Variants in CYP26B1 observed in about 807,000 individuals in gnomAD.
CYP26B1 encodes cytochrome P450 26B1.
In CYP26B1, 8 loss-of-function variants were observed where a neutral mutation model predicts 39.1. The observed-to-expected ratio is 0.20, with a 90% CI of 0.12 to 0.37. The LOEUF (loss-of-function observed/expected upper bound fraction) is 0.37, where lower values mean the gene tolerates loss of function less well. Among genes scored for constraint, CYP26B1 ranks in the 10% least tolerant of loss-of-function variants. CYP26B1 has a pLI of 1.00. For missense variants in CYP26B1, 615 were observed against 707.0 expected (o/e 0.87, Z 1.48); for synonymous variants, 321 against 314.3 (o/e 1.02, Z -0.23).
rs1677059260 is a variant in CYP26B1 at position 72,144,504 on chromosome 2, C to G, written c.205-291G>C. The G allele has an allele frequency of 3.4e-6, 4 of 1,187,016 alleles. No homozygotes were observed. In the African/African-American group the frequency reaches 4.7e-5, roughly 14 times the overall value. 73.5% of individuals were successfully genotyped at this position (1,187,016 alleles called of 1,614,324 possible). ...AAGAGGTATCCCGGACAGCTGGACC[C>G]GAAGCGGGAGTCTCCGCCCCCACCC... On this transcript the variant is annotated intron_variant, in intron 1 of 5. Transcript: ENST00000001146.
Position 72,142,760 on chromosome 2 carries a change from C to A in CYP26B1, c.429+1229G>T, listed in dbSNP as rs562110546. ...ACTCCCCAGAACTCCTCTCCCGCCGCCCCCAGGCTGTGGTAACTGCTTCCA... is the reference window on the plus strand; with the variant it reads ...ACTCCCCAGAACTCCTCTCCCGCCGACCCCAGGCTGTGGTAACTGCTTCCA... On this transcript the variant is annotated intron_variant, in intron 2 of 5. Transcript: ENST00000001146. 3.3e-5 allele frequency among the ~76,000 whole-genome samples: 5 copies of A among 152,290 alleles called. No homozygotes were observed. The South Asian group carries it at 1.0e-3, about 32-fold the overall frequency.
Position 72,147,658 on chromosome 2 carries a change from G to T in CYP26B1, c.177C>A (p.Ile59=). Residue 59 remains isoleucine, a synonymous_variant, in exon 1 of 6, where the codon ATC becomes ATA. Coordinates refer to ENST00000001146, the MANE Select transcript of CYP26B1 (RefSeq NM_019885.4). The surrounding 1 kb of genome is among the most constrained non-coding windows in gnomAD (Gnocchi z 6.1). ...IPKGSMGFPL[I]GETGHWLLQG... ...GCAGCAGCCAGTGGCCGGTCTCTCC[G>T]ATGAGCGGGAAGCCCATGGATCCCT... 1 of 1,609,884 alleles carries T rather than the reference G, an allele frequency of 6.2e-7. No homozygotes were observed.
intron 2 of CYP26B1, among the ~76,000 whole-genome samples, 162 bp from the exon 3 acceptor site, chr2:72,135,581 G>A (rs1676748015): frequency 6.6e-6 from 1 of 152,142 alleles, no homozygotes; most frequent in Non-Finnish European, 1.5e-5. Context: ...AAGTCTTTGG[G>A]GGATGTGGCT....
At chr2:72,139,664 G>A (rs1676880883) in intron 2 of CYP26B1, among the ~76,000 whole-genome samples, 1 of 152,230 alleles carries the variant, frequency 6.6e-6, no homozygotes, top group South Asian at 2.1e-4. Flanking sequence ...GCAGACACTT[G>A]CCGAGCCACA....
In CYP26B1 at chr2:72,129,742, A is replaced by C. The variant is rs1226355687; in HGVS notation, c.*2485T>G. The C allele has an allele frequency of 3.3e-5, 5 of 152,578 alleles. No homozygotes were observed. The highest frequency in any genetic ancestry group is 1.2e-4 in the African/African-American group (5 of 41,430). 9.5% of individuals were successfully genotyped at this position (152,578 alleles called of 1,614,324 possible). A position where few individuals can be genotyped will look rare whatever the true frequency, so the allele number is the denominator to read the frequency against. On this transcript the variant is annotated 3_prime_UTR_variant, in exon 6 of 6. Coordinates refer to ENST00000001146, the MANE Select transcript of CYP26B1 (RefSeq NM_019885.4). The stretch of plus-strand genomic sequence containing the variant: ...CAATCTGCAAGCCCGTGGCAGGAAG[A>C]GTTTTGTGGGGTTTTGTCTTTTTAA...
At chr2:72,146,163 G>C (rs895012451) in intron 1 of CYP26B1, among the ~76,000 whole-genome samples, 1 of 152,134 alleles carries the variant, frequency 6.6e-6, no homozygotes, top group Non-Finnish European at 1.5e-5. Context: ...GGGGACCTGA[G>C]GGGGGGCAGA....
chr2:72,146,896 C>T (rs1033058830), intron 1 of CYP26B1, among the ~76,000 whole-genome samples: 2 of 152,144 alleles, frequency 1.3e-5, no homozygotes, highest in Non-Finnish European at 2.9e-5. Context: ...TGGGGTTGTG[C>T]GGCATCTAAC....
rs956253020 is a variant in CYP26B1, at chr2:72,131,254, G to A, written c.*973C>T. 9 of 152,440 alleles carry A rather than the reference G, an allele frequency of 5.9e-5. No homozygotes were observed. Among genetic ancestry groups the A allele is most frequent in the African/African-American group, 1.9e-4 (8 of 41,456 alleles). 9.4% of individuals were successfully genotyped at this position (152,440 alleles called of 1,614,324 possible). A position where few individuals can be genotyped will look rare whatever the true frequency, so the allele number is the denominator to read the frequency against. Reference sequence around the variant, plus strand: ...AGAGGCACCGGACTTCAGTCCAGGAGTGAGGCTCCGAGATTAAACCCAAAT... The same window carrying A: ...AGAGGCACCGGACTTCAGTCCAGGAATGAGGCTCCGAGATTAAACCCAAAT... On this transcript the variant is annotated 3_prime_UTR_variant, in exon 6 of 6. Transcript: ENST00000001146.
chr2:72,144,312 C>G (rs1349198354), intron 1 of CYP26B1, 99 bp from the exon 2 acceptor site: 1 of 1,518,376 alleles, frequency 6.6e-7, no homozygotes, highest in Admixed American at 2.1e-5. Context: ...GTCACCTGCC[C>G]CCTCTCCCCA....
At chr2:72,135,770 G>A (rs1440029857) in intron 2 of CYP26B1, among the ~76,000 whole-genome samples, 1 of 152,172 alleles carries the variant, frequency 6.6e-6, no homozygotes, top group South Asian at 2.1e-4. Context: ...ACTCCATGGG[G>A]TACAGCAAGA....
At position 72,129,661 on chromosome 2, in the gene CYP26B1, C is replaced by T. The variant is rs1676496217; in HGVS notation, c.*2566G>A. 1 of 152,474 alleles carries T rather than the reference C, an allele frequency of 6.6e-6. No individual in the cohort carries two copies. Among genetic ancestry groups the T allele is most frequent in the African/African-American group, 2.4e-5 (1 of 41,392 alleles). 9.4% of individuals were successfully genotyped at this position (152,474 alleles called of 1,614,324 possible). On this transcript the variant is annotated 3_prime_UTR_variant, in exon 6 of 6. Transcript: ENST00000001146. The stretch of plus-strand genomic sequence containing the variant: ...TAAAATAATATTATAGCCATCTGGG[C>T]AGGGTCACGGTGGTGCCCAGAACAC...
At position 72,144,216 on chromosome 2, in the gene CYP26B1, GC is replaced by G. The variant is rs780430193; in HGVS notation, c.205-4del. ...CGCGACGACTGGAAGCCAGAACCCT[GC>G]GGGAGCCACACCCGGGTCTCTCTCA... is the stretch of plus-strand genomic sequence containing the variant. On this transcript the variant is annotated splice_region_variant and splice_polypyrimidine_tract_variant and intron_variant, in intron 1 of 5. Coordinates refer to ENST00000001146, the MANE Select transcript of CYP26B1 (RefSeq NM_019885.4). 3.3e-5 allele frequency: 52 copies of G among 1,583,414 alleles called. No individual in the cohort carries two copies. The highest frequency in any genetic ancestry group is 4.3e-5 in the Non-Finnish European group (50 of 1,159,044).
chr2:72,144,611 C>T, intron 1 of CYP26B1: 4 of 571,592 alleles, frequency 7.0e-6, no homozygotes, highest in Non-Finnish European at 8.8e-6. Context: ...TGGCGAGACC[C>T]CGCGGGGTGG....
chr2:72,134,929 G>A lies in CYP26B1; in HGVS notation c.706-13C>T, dbSNP rs746942517. 2 of 1,613,246 alleles carry A rather than the reference G, an allele frequency of 1.2e-6. No individual in the cohort carries two copies. The highest frequency in any genetic ancestry group is 1.7e-6 in the Non-Finnish European group (2 of 1,180,008). On this transcript the variant is annotated splice_polypyrimidine_tract_variant and intron_variant, in intron 3 of 5. Transcript: ENST00000001146. ...GAGCCTGAATGCCCTGCAGAGGTGA[G>A]GGCTGTCACTCATATGGAAGGGCAG...
rs528698853 is a variant in CYP26B1, at chr2:72,139,193, G to A, written c.430-3774C>T. On this transcript the variant is annotated intron_variant, in intron 2 of 5. Transcript: ENST00000001146. ...GAATGGAAGCGGCTGCCCAGGAGGG[G>A]TGGGGGCCTGGGCAGGCCACCCGGC... is the stretch of plus-strand genomic sequence containing the variant. Among the ~76,000 whole-genome samples the A allele has an allele frequency of 4.6e-5, 7 of 152,314 alleles. No homozygotes were observed. In the East Asian group the frequency reaches 9.7e-4, roughly 21 times the overall value.
intron 2 of CYP26B1, among the ~76,000 whole-genome samples, chr2:72,136,577 G>T (rs899824605): frequency 1.3e-5 from 2 of 152,210 alleles, no homozygotes; most frequent in African/African-American, 4.8e-5. Context: ...CCGGCGAGGG[G>T]CAGAGAGGCC....
chr2:72,135,779 G>C (rs972994155), intron 2 of CYP26B1, among the ~76,000 whole-genome samples: 1 of 152,192 alleles, frequency 6.6e-6, no homozygotes, highest in African/African-American at 2.4e-5. Flanking sequence ...GGTACAGCAA[G>C]AGAGCCTGAG....
chr2:72,132,113 C>A lies in CYP26B1; in HGVS notation c.*114G>T, dbSNP rs1388234788. 8.1e-7 allele frequency: 1 copy of A among 1,239,098 alleles called. No individual in the cohort carries two copies. Among genetic ancestry groups the A allele is most frequent in the Non-Finnish European group, 1.1e-6 (1 of 885,760 alleles). 76.8% of individuals were successfully genotyped at this position (1,239,098 alleles called of 1,614,324 possible). ...GCCAGGGAGGGGGAGCAAGGGAGGGCAAGTATGGGGGCCACTCGCCCTCCC... is the reference window on the plus strand; with the variant it reads ...GCCAGGGAGGGGGAGCAAGGGAGGGAAAGTATGGGGGCCACTCGCCCTCCC... On this transcript the variant is annotated 3_prime_UTR_variant, in exon 6 of 6. Transcript: ENST00000001146.
intron 2 of CYP26B1, among the ~76,000 whole-genome samples, chr2:72,138,843 C>G (rs1676854612): frequency 6.6e-6 from 1 of 152,166 alleles, no homozygotes; most frequent in Non-Finnish European, 1.5e-5. Flanking sequence ...ACCCTTGGTT[C>G]TCTCCCTCCC....
Sources: allele counts gnomAD v4.1 joint callset (sites outside exome capture counted in the v4.1 genomes callset), GRCh38; gene constraint gnomAD v4.1.1; non-coding constraint Gnocchi (gnomAD v3.1); transcripts MANE v1.5; gene names NCBI Gene and HGNC (gene_info 2026-07-23, HGNC 2026-07-21).